AMOTL1: variants seen among roughly 807,000 people sequenced by gnomAD.
AMOTL1 encodes angiomotin-like protein 1.
A neutral mutation model predicts 102.9 loss-of-function variants in AMOTL1; 45 were observed. That is an observed-to-expected ratio of 0.44 (90% CI 0.34 to 0.56). AMOTL1 has a LOEUF of 0.56. Among genes scored for constraint, AMOTL1 ranks in the 20% least tolerant of loss-of-function variants. The probability of loss-of-function intolerance (pLI) is 0.01; values close to 1 mark genes in which losing one functional copy is unlikely to be tolerated. For synonymous variants in AMOTL1, 481 were observed against 484.7 expected (o/e 0.99, Z 0.10); for missense variants, 1,114 against 1,225.6 (o/e 0.91, Z 1.36).
At chr11:94,804,478 G>A (rs1297339756) in intron 3 of AMOTL1, among the ~76,000 whole-genome samples, 1 of 152,274 alleles carries the variant, frequency 6.6e-6, no homozygotes, top group East Asian at 1.9e-4. Context: ...TTTTGGTAGA[G>A]TTGGGGTTTC....
Position 94,821,793 on chromosome 11 carries a change from A to G in AMOTL1, c.1385A>G (p.Tyr462Cys). ...NRVLHQELQGYYDNADKLHKF... is the reference protein window; with the variant it reads ...NRVLHQELQGCYDNADKLHKF... The stretch of plus-strand genomic sequence containing the variant: ...GTGCTTCACCAGGAACTTCAGGGTT[A>G]CTACGACAATGCCGACAAGCTCCAC... Residue 462 changes from tyrosine to cysteine, a missense_variant, in exon 4 of 13, where the codon TAC becomes TGC. Physicochemically the swap from Tyr to Cys is radical, Grantham distance 194. Transcript: ENST00000433060. 1 of 1,614,036 alleles carries G rather than the reference A, an allele frequency of 6.2e-7. No homozygotes were observed. Among genetic ancestry groups the G allele is most frequent in the Non-Finnish European group, 8.5e-7 (1 of 1,179,880 alleles).
rs748199703 is a variant in AMOTL1 at position 94,839,800 on chromosome 11, G to GA, written c.1648+8260dup. Among the ~76,000 whole-genome samples the GA allele has an allele frequency of 7.2e-4, 109 of 152,274 alleles. 1 individual carries two copies. Among genetic ancestry groups the GA allele is most frequent in the South Asian group, 2.1e-4 (1 of 4,826 alleles). The stretch of plus-strand genomic sequence containing the variant: ...GATTTCATGTTTTTACACTGGGAAG[G>GA]ATCTTGGATGGTAAATGAACAAAGT... On this transcript the variant is annotated intron_variant, in intron 6 of 12. Transcript: ENST00000433060.
upstream of AMOTL1, among the ~76,000 whole-genome samples, chr11:94,768,153 A>G (rs952288301): frequency 1.3e-5 from 2 of 152,178 alleles, no homozygotes; most frequent in Non-Finnish European, 2.9e-5. Context: ...CCTAAGTCTC[A>G]GGGAGACACG....
At chr11:94,752,657 T>C (rs1335924438) in intron 3 of AMOTL1, among the ~76,000 whole-genome samples, 1 of 152,266 alleles carries the variant, frequency 6.6e-6, no homozygotes, top group Non-Finnish European at 1.5e-5. Context: ...GTAAGACTTA[T>C]TAACCTTTTC....
At chr11:94,754,873 T>C (rs574332947) in intron 3 of AMOTL1, among the ~76,000 whole-genome samples, 2 of 152,322 alleles carry the variant, frequency 1.3e-5, no homozygotes, top group Admixed American at 1.3e-4. Flanking sequence ...CTAAAATATT[T>C]TGTTGTTTAT....
intron 3 of AMOTL1, among the ~76,000 whole-genome samples, chr11:94,744,061 T>C (rs992021312): frequency 3.3e-5 from 5 of 152,182 alleles, no homozygotes; most frequent in African/African-American, 1.2e-4. Context: ...AGAATTTAAT[T>C]AAATTTTACC....
chr11:94,856,565 G>A (rs568499946), intron 8 of AMOTL1, among the ~76,000 whole-genome samples: 1 of 152,276 alleles, frequency 6.6e-6, no homozygotes, highest in African/African-American at 2.4e-5. Context: ...GGGCCTCTCT[G>A]ATCCCCTCCT....
chr11:94,840,692 A>C (rs1356538557), intron 6 of AMOTL1, among the ~76,000 whole-genome samples: 1 of 146,226 alleles, frequency 6.8e-6, no homozygotes, highest in African/African-American at 2.6e-5. Context: ...ACACACACAC[A>C]CACACACACA....
rs374639614 is a variant in AMOTL1 at position 94,848,882 on chromosome 11, C to T, written c.1649-1232C>T. 5.0e-4 allele frequency among the ~76,000 whole-genome samples: 76 copies of T among 152,264 alleles called. 1 individual carries two copies. The East Asian group carries it at 6.4e-3, about 13-fold the overall frequency. Reference sequence around the variant, plus strand: ...ATAGTGCTGGTCCTAAATAATTATTCGTTAAATTAACGAATGAATATAGAC... The same window carrying T: ...ATAGTGCTGGTCCTAAATAATTATTTGTTAAATTAACGAATGAATATAGAC... On this transcript the variant is annotated intron_variant, in intron 6 of 12. Transcript: ENST00000433060.
intron 3 of AMOTL1, among the ~76,000 whole-genome samples, chr11:94,742,286 A>G (rs1950538210): frequency 6.6e-6 from 1 of 152,248 alleles, no homozygotes; most frequent in Non-Finnish European, 1.5e-5. Context: ...TTAAGAGGAC[A>G]GGTACTCGAT....
At chr11:94,787,644 C>G (rs1198245775) in intron 1 of AMOTL1, among the ~76,000 whole-genome samples, 2 of 116,082 alleles carry the variant, frequency 1.7e-5, no homozygotes, top group East Asian at 2.8e-4. Context: ...GTCGAGATCG[C>G]GCCACTGCAC....
At chr11:94,780,552 T>C (rs961969275) in intron 1 of AMOTL1, among the ~76,000 whole-genome samples, 3 of 152,248 alleles carry the variant, frequency 2.0e-5, no homozygotes, top group Non-Finnish European at 4.4e-5. Flanking sequence ...CTGAGCATCT[T>C]GCTGCTGTTC....
chr11:94,798,669 A>C (rs1256946224), intron 2 of AMOTL1, among the ~76,000 whole-genome samples: 1 of 152,090 alleles, frequency 6.6e-6, no homozygotes, highest in Non-Finnish European at 1.5e-5. Flanking sequence ...CTCAGGACAG[A>C]GCTGTAGGAA....
chr11:94,867,791 A>C (rs1407950763), intron 11 of AMOTL1, among the ~76,000 whole-genome samples: 1 of 152,194 alleles, frequency 6.6e-6, no homozygotes, highest in Non-Finnish European at 1.5e-5. Flanking sequence ...ACTCCCTACG[A>C]GGACATCCTG....
At chr11:94,833,700 A>G (rs1315110878) in intron 6 of AMOTL1, among the ~76,000 whole-genome samples, 2 of 152,224 alleles carry the variant, frequency 1.3e-5, no homozygotes, top group Non-Finnish European at 2.9e-5. Flanking sequence ...GGACTGTCCT[A>G]GAGGCAAGGA....
intron 2 of AMOTL1, among the ~76,000 whole-genome samples, chr11:94,734,888 T>A (rs931508015): frequency 2.0e-5 from 3 of 152,200 alleles, no homozygotes; most frequent in Admixed American, 6.5e-5. Flanking sequence ...CATACACACA[T>A]CCTAGTGGGC....
In AMOTL1 at chr11:94,859,541, A is replaced by G. The variant is rs369464839; in HGVS notation, c.1961A>G (p.Gln654Arg). ...LRTQQKHGNGQPANMPEYNAP... is the reference protein window; with the variant it reads ...LRTQQKHGNGRPANMPEYNAP... ...CTCCTTCAGAAACATGGAAATGGCC[A>G]GCCAGCCAACATGCCGGAATACAAT... The change falls in exon 9 of 13, where the codon CAG (glutamine) becomes CGG (arginine). Residue 654 changes from glutamine (Q) to arginine (R), a missense_variant. Transcript: ENST00000433060. 4 of 1,612,274 alleles carry G rather than the reference A, an allele frequency of 2.5e-6. No individual in the cohort carries two copies. The African/African-American group carries it at 4.0e-5, about 16-fold the overall frequency.
chr11:94,842,567 T>G (rs572177237), intron 6 of AMOTL1, among the ~76,000 whole-genome samples: 1 of 152,338 alleles, frequency 6.6e-6, no homozygotes, highest in East Asian at 1.9e-4. Flanking sequence ...ATAAATGCAT[T>G]GCACTTTAGG....
intron 3 of AMOTL1, among the ~76,000 whole-genome samples, chr11:94,817,104 A>C: frequency 6.6e-6 from 1 of 152,318 alleles, no homozygotes; most frequent in East Asian, 1.9e-4. Flanking sequence ...ATTAAAATTT[A>C]ATAAATTTAC....
Sources: gnomAD v4.1 joint callset for allele counts (sites outside exome capture counted in the v4.1 genomes callset) on GRCh38, gnomAD v4.1.1 for gene constraint, MANE v1.5 for transcripts, NCBI Gene and HGNC (gene_info 2026-07-23, HGNC 2026-07-21) for gene names.